Variants in TIMM17B observed in about 807,000 individuals in gnomAD.
TIMM17B encodes the protein mitochondrial import inner membrane translocase subunit Tim17-B.
Under a neutral mutation model 15.9 loss-of-function variants are expected in TIMM17B, and 10 were observed. The observed-to-expected ratio is 0.63, with a 90% confidence interval of 0.39 to 1.06. The LOEUF is 1.06. Ranked by LOEUF, TIMM17B falls within the 50% of genes least tolerant of loss-of-function variation. The pLI, the probability that TIMM17B is intolerant of heterozygous loss-of-function variation, is 0.01. For synonymous variants in TIMM17B, 57 were observed against 57.2 expected (o/e 1.00, Z 0.02); for missense variants, 114 against 152.2 (o/e 0.75, Z 1.32).
intron 3 of TIMM17B, 126 bp from the exon 3 acceptor site, chrX:48,895,227 T>C: frequency 1.6e-6 from 1 of 607,385 alleles, no homozygotes; most frequent in South Asian, 2.8e-5. Flanking sequence ...TGTGGAGAAG[T>C]GGCCAAGAAC....
rs1334947900 is a variant in TIMM17B, at chrX:48,897,652, T to C, written c.26+72A>G. 3.2e-6 allele frequency: 3 copies of C among 941,664 alleles called. No individual in the cohort carries two copies. The African/African-American group carries it at 5.8e-5, about 18-fold the overall frequency. The allele number at this position is 941,664 out of a possible 1,213,427, so 77.6% of individuals were successfully genotyped here. A position where few individuals can be genotyped will look rare whatever the true frequency, so the allele number is the denominator to read the frequency against. On this transcript the variant is annotated intron_variant, in intron 2 of 6. Transcript: ENST00000376582. ...TACATGGCTCTGTGCGGCCGATGCC[T>C]CCCCCGCCCGACCCCCACGGCTGGC...
intron 1 of TIMM17B, chrX:48,898,015 G>C (rs1368744603): frequency 3.0e-6 from 3 of 988,892 alleles, no homozygotes; most frequent in Non-Finnish European, 2.6e-6. Flanking sequence ...GTGGGCCCAG[G>C]TATCGTAGCG....
chrX:48,897,993 G>A, intron 1 of TIMM17B: 3 of 966,879 alleles, frequency 3.1e-6, no homozygotes, highest in Non-Finnish European at 1.4e-6. Flanking sequence ...GGTGTTTTGG[G>A]AAGAGAGTCG....
intron 3 of TIMM17B, chrX:48,895,636 A>T (rs1205481461): frequency 3.7e-5 from 16 of 435,077 alleles, no homozygotes; most frequent in Non-Finnish European, 6.4e-5. Context: ...GAGTTCCAGG[A>T]GTCTAGGGGA....
At chrX:48,895,083 T>G in exon 4 of TIMM17B, 3 of 1,199,861 alleles carry the variant, frequency 2.5e-6, no homozygotes, top group Non-Finnish European at 3.4e-6. Context: ...GCACTACCTC[T>G]CAACCGGTGC....
chrX:48,897,434 AC>A (rs2063324792), intron 2 of TIMM17B: 3 of 367,729 alleles, frequency 8.2e-6, no homozygotes, highest in Admixed American at 4.8e-5. Flanking sequence ...ACACCGTACC[AC>A]CCCTAGCCGG....
In TIMM17B at chrX:48,896,668, G is replaced by A. The variant is rs1569509442; in HGVS notation, c.126+91C>T. ...TGGGCACCAGAATGAATAAGTGCAC[G>A]TGACTGGCAGCTCCAAGCAGTTTTC... On this transcript the variant is annotated intron_variant, in intron 3 of 6. Coordinates refer to ENST00000376582, the Ensembl canonical transcript of TIMM17B. The A allele has an allele frequency of 7.7e-6, 9 of 1,173,104 alleles. No homozygotes were observed. In the East Asian group the frequency reaches 2.8e-4, roughly 37 times the overall value.
Position 48,894,230 on chromosome X carries a change from A to G in TIMM17B, c.191-5T>C. 8.3e-7 allele frequency: 1 copy of G among 1,207,528 alleles called. No homozygotes were observed. The highest frequency in any genetic ancestry group is 1.1e-6 in the Non-Finnish European group (1 of 892,804). On this transcript the variant is annotated splice_region_variant and splice_polypyrimidine_tract_variant and intron_variant, in intron 4 of 6. Transcript: ENST00000376582. Reference sequence around the variant, plus strand: ...CCCCCCACACTGCGAAGCTACCTGTAGTGGAACCGAGGCCTAATTAGTTCC... The same window carrying G: ...CCCCCCACACTGCGAAGCTACCTGTGGTGGAACCGAGGCCTAATTAGTTCC...
intron 3 of TIMM17B, 71 bp downstream of exon 2, chrX:48,896,687 AG>A: frequency 8.4e-7 from 1 of 1,194,891 alleles, no homozygotes; most frequent in Non-Finnish European, 1.1e-6. Context: ...AGCTCCAAGC[AG>A]TTTTCAGAGC....
intron 1 of TIMM17B, 102 bp from the exon 1 acceptor site, chrX:48,897,870 A>C: frequency 1.9e-6 from 2 of 1,036,348 alleles, no homozygotes; most frequent in Non-Finnish European, 2.6e-6. Context: ...CACGCCAAGG[A>C]CGCACTCTCA....
intron 1 of TIMM17B, chrX:48,898,056 C>A (rs909079551): frequency 1.5e-5 from 15 of 1,033,261 alleles, no homozygotes; most frequent in Non-Finnish European, 1.9e-5. Context: ...GGTGTGACAG[C>A]CTTCCACTAC....
Position 48,897,673 on chromosome X carries a change from C to G in TIMM17B, c.26+51G>C, listed in dbSNP as rs1173372095. On this transcript the variant is annotated intron_variant, in intron 2 of 6. Transcript: ENST00000376582. ...TGCCTCCCCCGCCCGACCCCCACGG[C>G]TGGCCTTGGCGTCGCAGCAATATTC... 10 of 1,091,990 alleles carry G rather than the reference C, an allele frequency of 9.2e-6. No individual in the cohort carries two copies. In the Admixed American group the frequency reaches 2.2e-4, roughly 24 times the overall value. The allele number at this position is 1,091,990 out of a possible 1,213,427, so 90.0% of individuals were successfully genotyped here. A position where few individuals can be genotyped will look rare whatever the true frequency, so the allele number is the denominator to read the frequency against.
At chrX:48,894,322 G>A in intron 4 of TIMM17B, 97 bp from the exon 4 acceptor site, 7 of 944,617 alleles carry the variant, frequency 7.4e-6, no homozygotes, top group Non-Finnish European at 1.0e-5. Flanking sequence ...CAAGAACAGG[G>A]AGAAAAACCC....
chrX:48,894,190 T>C, exon 5 of TIMM17B: 1 of 1,208,534 alleles, frequency 8.3e-7, no homozygotes, highest in Non-Finnish European at 1.1e-6. Context: ...CCACAGTCGA[T>C]GGTGGAGAAC....
At chrX:48,895,184 TG>T (rs1557039281) in intron 3 of TIMM17B, 83 bp from the exon 3 acceptor site, 1 of 813,550 alleles carries the variant, frequency 1.2e-6, no homozygotes, top group East Asian at 3.4e-5. Context: ...GGGAAGAAGA[TG>T]GGAGACCTGT....
At chrX:48,897,737 C>T in exon 2 of TIMM17B, 2 of 1,209,166 alleles carry the variant, frequency 1.7e-6, no homozygotes, top group Non-Finnish European at 2.2e-6. Context: ...GGCTCCCGAG[C>T]GTACTCCTCC....
intron 3 of TIMM17B, 195 bp from the exon 3 acceptor site, chrX:48,895,296 A>G (rs1171631579): frequency 8.0e-6 from 4 of 501,481 alleles, no homozygotes; most frequent in Non-Finnish European, 1.1e-5. Flanking sequence ...AGAAGTGCTA[A>G]TTCATTCATA....
intron 2 of TIMM17B, 181 bp downstream of exon 1, chrX:48,897,543 G>T: frequency 2.2e-6 from 1 of 458,002 alleles, no homozygotes; most frequent in African/African-American, 2.4e-5. Context: ...CACCTTCTCT[G>T]GTTGTGGCCC....
Position 48,893,765 on chromosome X carries a change from CG to C in TIMM17B, c.482del (p.Pro161ArgfsTer40). 1 of 1,165,157 alleles carries C rather than the reference CG, an allele frequency of 8.6e-7. No homozygotes were observed. The highest frequency in any genetic ancestry group is 2.0e-5 in the South Asian group (1 of 49,469). On this transcript the variant is annotated frameshift_variant, in exon 7 of 7. Coordinates refer to ENST00000376582, the Ensembl canonical transcript of TIMM17B. LOFTEE classifies it high-confidence loss of function. The stretch of plus-strand genomic sequence containing the variant: ...GCTGATAGCTGGGGTAGCCTGGGGC[CG>C]GGGTGCCATCCTTAGGGGGCAGCTG...
Sources: allele counts gnomAD v4.1 joint callset, GRCh38; gene constraint gnomAD v4.1.1; transcripts MANE v1.5; gene names NCBI Gene and HGNC (gene_info 2026-07-23, HGNC 2026-07-21).